Variants in RPE observed in about 807,000 individuals in gnomAD.
The protein encoded by RPE is ribulose-5-phosphate-3-epimerase.
Under a neutral mutation model 24.6 loss-of-function variants are expected in RPE, and 16 were observed. That is an observed-to-expected ratio of 0.65 (90% confidence interval 0.44 to 0.99). The LOEUF is 0.99. Ranked by LOEUF, RPE falls within the 50% of genes least tolerant of loss-of-function variation. The probability of loss-of-function intolerance (pLI) is 0.00; values close to 1 mark genes in which losing one functional copy is unlikely to be tolerated. For missense variants in RPE, 240 were observed against 294.5 expected, an observed-to-expected ratio of 0.81 and a Z score of 1.35; for synonymous variants, 93 against 98.4, an observed-to-expected ratio of 0.94 and a Z score of 0.33.
At chr2:210,007,601 G>A (rs1226028225) in intron 1 of RPE, among the ~76,000 whole-genome samples, 1 of 152,166 alleles carries the variant, frequency 6.6e-6, no homozygotes, top group Admixed American at 6.5e-5. Context: ...GTCTTTGACT[G>A]TAACTTGCTT....
At chr2:210,011,978 G>C (rs2093706873) in intron 2 of RPE, among the ~76,000 whole-genome samples, 1 of 151,876 alleles carries the variant, frequency 6.6e-6, no homozygotes, top group South Asian at 2.1e-4. Context: ...CACTGAGCCC[G>C]ACTACCTTTG....
At chr2:210,014,056 C>G (rs895071299) in intron 2 of RPE, among the ~76,000 whole-genome samples, 9 of 151,986 alleles carry the variant, frequency 5.9e-5, no homozygotes, top group Middle Eastern at 6.8e-3. Flanking sequence ...AGCTAGCAGT[C>G]TGGTAACTTA....
chr2:210,016,803 T>C (rs1184876167), intron 4 of RPE, among the ~76,000 whole-genome samples, 162 bp downstream of exon 4: 5 of 152,210 alleles, frequency 3.3e-5, no homozygotes, highest in Admixed American at 2.6e-4. Context: ...CTGTAATAGA[T>C]TTCTGATTTG....
chr2:210,017,771 G>A (rs1365327568), intron 5 of RPE: 2 of 556,708 alleles, frequency 3.6e-6, no homozygotes, highest in Admixed American at 3.3e-5. Flanking sequence ...TTCTGAGACA[G>A]TCTCTCTTTG....
Position 210,021,761 on chromosome 2 carries a change from C to T in RPE, c.*1970C>T, listed in dbSNP as rs1367262164. The T allele has an allele frequency of 6.6e-6, 1 of 151,958 alleles. No individual in the cohort carries two copies. Among genetic ancestry groups the T allele is most frequent in the East Asian group, 1.9e-4 (1 of 5,180 alleles). The allele number at this position is 151,958 out of a possible 1,614,324, so 9.4% of individuals were successfully genotyped here. Reference sequence around the variant, plus strand: ...AAAAGTGAGTTATATAAATTGTCCTCAACTTTCACATAGGAAAAAAATGGT... The same window carrying T: ...AAAAGTGAGTTATATAAATTGTCCTTAACTTTCACATAGGAAAAAAATGGT... On this transcript the variant is annotated 3_prime_UTR_variant, in exon 6 of 6. Transcript: ENST00000359429.
rs1439169162 is a variant in RPE at position 210,017,542 on chromosome 2, GT to G, written c.548del (p.Val183AlafsTer11). Reference sequence around the variant, plus strand: ...CGATGGTGGAGTAGGTCCTGACACTGTCCATAAATGTGCAGAGGTGAGATTG... The same window carrying G: ...CGATGGTGGAGTAGGTCCTGACACTGCCATAAATGTGCAGAGGTGAGATTG... Reference protein sequence around the residue: ...EVDGGVGPDTVHKCAEAGANM... With the variant: ...EVDGGVGPDTXHKCAEAGANM... On this transcript the variant is annotated frameshift_variant, in exon 5 of 6. Coordinates refer to ENST00000359429, the MANE Select transcript of RPE (RefSeq NM_199229.3). LOFTEE classifies it high-confidence loss of function. 6.2e-7 allele frequency: 1 copy of G among 1,613,394 alleles called. No individual in the cohort carries two copies. Among genetic ancestry groups the G allele is most frequent in the Non-Finnish European group, 8.5e-7 (1 of 1,179,842 alleles).
chr2:210,008,784 C>G (rs536052968), intron 1 of RPE, among the ~76,000 whole-genome samples: 2 of 152,236 alleles, frequency 1.3e-5, no homozygotes, highest in Non-Finnish European at 2.9e-5. Flanking sequence ...CACCCTCCAC[C>G]TCCCAGATTC....
intron 1 of RPE, among the ~76,000 whole-genome samples, chr2:210,006,710 C>G (rs1020191125): frequency 6.6e-6 from 1 of 152,178 alleles, no homozygotes; most frequent in African/African-American, 2.4e-5. Flanking sequence ...ATCTTTAATT[C>G]CAGAATTGTA....
chr2:210,009,727 C>G lies in RPE; in HGVS notation c.193C>G (p.Pro65Ala). 6.2e-7 allele frequency: 1 copy of G among 1,614,126 alleles called. No homozygotes were observed. The highest frequency in any genetic ancestry group is 8.5e-7 in the Non-Finnish European group (1 of 1,180,014). The change falls in exon 2 of 6, where the codon CCT (proline) becomes GCT (alanine). Residue 65 changes from proline to alanine, a missense_variant. Physicochemically the swap from Pro to Ala is conservative, Grantham distance 27. Transcript: ENST00000359429. ...CCTTCGAAAGCAGCTAGGCCAGGAC[C>G]CTTTCTTTGGTAAGTGGGTGTTACG... is the stretch of plus-strand genomic sequence containing the variant. ...ESLRKQLGQDPFFDMHMMVSK... is the reference protein window; with the variant it reads ...ESLRKQLGQDAFFDMHMMVSK...
chr2:210,019,985 A>G lies in RPE; in HGVS notation c.*194A>G, dbSNP rs974351549. ...GGTGTGTATAACTACATTTTTAGTGATGCAATTTATTGATTAGTGAGTAAG... is the reference window on the plus strand; with the variant it reads ...GGTGTGTATAACTACATTTTTAGTGGTGCAATTTATTGATTAGTGAGTAAG... On this transcript the variant is annotated 3_prime_UTR_variant, in exon 6 of 6. Transcript: ENST00000359429. 19 of 550,702 alleles carry G rather than the reference A, an allele frequency of 3.5e-5. No homozygotes were observed. Among genetic ancestry groups the G allele is most frequent in the African/African-American group, 3.3e-4 (17 of 51,476 alleles). The allele number at this position is 550,702 out of a possible 1,614,324, so 34.1% of individuals were successfully genotyped here.
intron 1 of RPE, among the ~76,000 whole-genome samples, chr2:210,004,413 G>T (rs181356581): frequency 6.6e-6 from 1 of 152,142 alleles, no homozygotes; most frequent in African/African-American, 2.4e-5. Flanking sequence ...TGACAGCGAG[G>T]AATTGGGCAC....
In RPE at chr2:210,022,041, T is replaced by C. The variant is rs1374186504; in HGVS notation, c.*2250T>C. 6.6e-6 allele frequency: 1 copy of C among 151,444 alleles called. No individual in the cohort carries two copies. Among genetic ancestry groups the C allele is most frequent in the Non-Finnish European group, 1.5e-5 (1 of 67,866 alleles). The allele number at this position is 151,444 out of a possible 1,614,324, so 9.4% of individuals were successfully genotyped here. ...TTCAAATTTTATACTGATAGGGCTT[T>C]ACTGTTTGTGGCTCATTTTAAAACT... On this transcript the variant is annotated 3_prime_UTR_variant, in exon 6 of 6. Transcript: ENST00000359429.
chr2:210,015,757 G>A (rs2093762701), intron 2 of RPE, among the ~76,000 whole-genome samples: 1 of 152,124 alleles, frequency 6.6e-6, no homozygotes, highest in African/African-American at 2.4e-5. Flanking sequence ...TATGCTTTTT[G>A]TGGGAAAATA....
Position 210,016,366 on chromosome 2 carries a change from C to A in RPE, c.343-141C>A, listed in dbSNP as rs938958191. The A allele has an allele frequency of 6.5e-5, 101 of 1,561,912 alleles. No individual in the cohort carries two copies. In the Middle Eastern group the frequency reaches 1.1e-3, roughly 17 times the overall value. On this transcript the variant is annotated intron_variant, in intron 3 of 5. Coordinates refer to ENST00000359429, the MANE Select transcript of RPE (RefSeq NM_199229.3). ...CACTAAAGTTTTCTGAAAGCTACTG[C>A]TTGTTGAAAATACTTACATTTAATA... is the stretch of plus-strand genomic sequence containing the variant.
At chr2:210,015,529 A>G (rs2093759372) in intron 2 of RPE, among the ~76,000 whole-genome samples, 1 of 152,324 alleles carries the variant, frequency 6.6e-6, no homozygotes. Context: ...GGAGAGTTTC[A>G]TGTTTTTGCT....
intron 2 of RPE, 50 bp from the exon 3 acceptor site, chr2:210,015,923 C>T (rs1389150602): frequency 6.3e-7 from 1 of 1,597,162 alleles, no homozygotes; most frequent in Non-Finnish European, 8.5e-7. Flanking sequence ...CTTCCAATAA[C>T]ATGAGCCAGG....
Position 210,018,048 on chromosome 2 carries a change from A to G in RPE, c.564+489A>G, listed in dbSNP as rs1366274465. The G allele has an allele frequency of 4.2e-6, 5 of 1,204,540 alleles. No individual in the cohort carries two copies. The Admixed American group carries it at 9.8e-5, about 24-fold the overall frequency. The allele number at this position is 1,204,540 out of a possible 1,614,324, so 74.6% of individuals were successfully genotyped here. On this transcript the variant is annotated intron_variant, in intron 5 of 5. Coordinates refer to ENST00000359429, the MANE Select transcript of RPE (RefSeq NM_199229.3). ...ATGTGAGCCATGGCGTCTGGCCCGTAAGTGGATATTCTAAAATCACATAAA... is the reference window on the plus strand; with the variant it reads ...ATGTGAGCCATGGCGTCTGGCCCGTGAGTGGATATTCTAAAATCACATAAA...
intron 1 of RPE, among the ~76,000 whole-genome samples, chr2:210,008,245 C>T (rs1269200095): frequency 6.6e-6 from 1 of 151,726 alleles, no homozygotes; most frequent in African/African-American, 2.4e-5. Flanking sequence ...TATTCTGAAG[C>T]ACCTAGTATG....
chr2:210,010,269 C>G (rs1559477574), intron 2 of RPE, among the ~76,000 whole-genome samples: 1 of 151,888 alleles, frequency 6.6e-6, no homozygotes, highest in Non-Finnish European at 1.5e-5. Flanking sequence ...ACAAGTGGTG[C>G]CTAAATATTC....
Sources: gnomAD v4.1 joint callset for allele counts (sites outside exome capture counted in the v4.1 genomes callset) on GRCh38, gnomAD v4.1.1 for gene constraint, MANE v1.5 for transcripts, NCBI Gene and HGNC (gene_info 2026-07-23, HGNC 2026-07-21) for gene names.